TCF12: variants seen among roughly 807,000 people sequenced by gnomAD.
TCF12 encodes the protein transcription factor 12.
TCF12 carries 45 observed loss-of-function variants against 86.0 expected under a neutral mutation model. The observed-to-expected ratio is 0.52, with a 90% CI of 0.41 to 0.67. The LOEUF is 0.67. Among genes scored for constraint, TCF12 ranks in the 30% least tolerant of loss-of-function variants. The pLI, the probability that TCF12 is intolerant of heterozygous loss-of-function variation, is 0.00. For synonymous variants in TCF12, 330 were observed against 299.6 expected, an observed-to-expected ratio of 1.10 and a Z score of -1.05; for missense variants, 881 against 859.9, an observed-to-expected ratio of 1.02 and a Z score of -0.31.
intron 3 of TCF12, among the ~76,000 whole-genome samples, chr15:57,016,314 A>G (rs1423941335): frequency 6.6e-6 from 1 of 152,238 alleles, no homozygotes; most frequent in African/African-American, 2.4e-5. Context: ...TGTAATTGCC[A>G]ATGCATCTTC....
rs2059701541 is a variant in TCF12, at chr15:56,919,890, A to G, written c.-22-2A>G. ...TCGCTGAGCCCGTTTCCTCTGCCCT[A>G]GGACCTGCTAGAAGTGGCCGAAGAT... On this transcript the variant is annotated splice_acceptor_variant, in intron 1 of 20. Coordinates refer to ENST00000333725, the MANE Select transcript of TCF12 (RefSeq NM_207037.2). LOFTEE classifies it low-confidence loss of function (5UTR_SPLICE). 2 of 1,613,594 alleles carry G rather than the reference A, an allele frequency of 1.2e-6. No homozygotes were observed. Among genetic ancestry groups the G allele is most frequent in the Non-Finnish European group, 1.7e-6 (2 of 1,179,746 alleles).
At chr15:57,094,034 G>C (rs903260072) in intron 5 of TCF12, among the ~76,000 whole-genome samples, 6 of 152,128 alleles carry the variant, frequency 3.9e-5, no homozygotes, top group Admixed American at 3.3e-4. Flanking sequence ...TCCTTCCTTA[G>C]CACAACACCA....
chr15:57,122,659 C>A (rs571035333), intron 5 of TCF12, among the ~76,000 whole-genome samples: 2 of 152,308 alleles, frequency 1.3e-5, no homozygotes, highest in East Asian at 1.9e-4. Flanking sequence ...TCAAAGAGAA[C>A]CACCAGAAGA....
intron 4 of TCF12, among the ~76,000 whole-genome samples, chr15:57,067,408 T>C (rs962853644): frequency 3.3e-5 from 5 of 150,662 alleles, no homozygotes; most frequent in Admixed American, 6.6e-5. Flanking sequence ...GGCGTAGTGG[T>C]GGGCGCCTGT....
intron 8 of TCF12, among the ~76,000 whole-genome samples, chr15:57,217,370 A>G (rs1407447860): frequency 6.6e-6 from 1 of 152,160 alleles, no homozygotes; most frequent in Admixed American, 6.5e-5. Flanking sequence ...AGATTATCAT[A>G]TAATTGCCTC....
intron 3 of TCF12, among the ~76,000 whole-genome samples, chr15:56,991,820 C>A (rs1444139912): frequency 6.6e-6 from 1 of 152,010 alleles, no homozygotes; most frequent in African/African-American, 2.4e-5. Flanking sequence ...AAATAATTAT[C>A]ATCATTGATT....
chr15:57,005,911 A>T (rs1012784320), intron 3 of TCF12, among the ~76,000 whole-genome samples: 4 of 151,992 alleles, frequency 2.6e-5, no homozygotes, highest in Admixed American at 1.3e-4. Context: ...TAAGCTTTTT[A>T]TTTTCCAGGT....
intron 3 of TCF12, among the ~76,000 whole-genome samples, chr15:56,930,367 G>C (rs1213618166): frequency 6.6e-6 from 1 of 152,206 alleles, no homozygotes; most frequent in Non-Finnish European, 1.5e-5. Flanking sequence ...GCTTATATGG[G>C]CACTTGTGCC....
chr15:57,082,569 A>G (rs1006792962), intron 4 of TCF12, among the ~76,000 whole-genome samples: 1 of 152,236 alleles, frequency 6.6e-6, no homozygotes. Context: ...GTGAACTGAT[A>G]AGGAAATGTA....
At chr15:56,990,839 C>T (rs969187438) in intron 3 of TCF12, among the ~76,000 whole-genome samples, 7 of 150,532 alleles carry the variant, frequency 4.7e-5, no homozygotes, top group African/African-American at 1.7e-4. Flanking sequence ...ATCACCTAGG[C>T]TGGAGAGTGA....
At chr15:57,176,009 A>G (rs1473465808) in intron 6 of TCF12, among the ~76,000 whole-genome samples, 1 of 152,188 alleles carries the variant, frequency 6.6e-6, no homozygotes, top group African/African-American at 2.4e-5. Context: ...GTATTTTATA[A>G]TAGATTACAG....
chr15:57,109,804 A>C (rs1287492631), intron 5 of TCF12, among the ~76,000 whole-genome samples: 2 of 152,336 alleles, frequency 1.3e-5, no homozygotes, highest in South Asian at 2.1e-4. Flanking sequence ...AATCATTTAT[A>C]TATTACCATA....
chr15:57,004,839 G>A (rs1354803278), intron 3 of TCF12, among the ~76,000 whole-genome samples: 2 of 152,196 alleles, frequency 1.3e-5, no homozygotes, highest in African/African-American at 4.8e-5. Context: ...ATAGGCATGA[G>A]CCACCGCACC....
chr15:57,080,776 TATTA>T (rs1340417122), intron 4 of TCF12, among the ~76,000 whole-genome samples: 4 of 152,218 alleles, frequency 2.6e-5, no homozygotes, highest in African/African-American at 7.2e-5. Context: ...TTATAATGAA[TATTA>T]ATTCTTAACT....
chr15:57,266,964 G>A (rs2060898857), intron 18 of TCF12, among the ~76,000 whole-genome samples: 1 of 152,210 alleles, frequency 6.6e-6, no homozygotes, highest in South Asian at 2.1e-4. Context: ...AGAAGTTTGA[G>A]GCTATAGTGA....
At chr15:57,226,906 C>G (rs190083717) in intron 8 of TCF12, among the ~76,000 whole-genome samples, 32 of 130,966 alleles carry the variant, frequency 2.4e-4, no homozygotes, top group African/African-American at 7.0e-4. Context: ...GTTCAGTAGT[C>G]ATGTGACTGA....
chr15:57,180,218 C>T (rs1397532748), intron 6 of TCF12, among the ~76,000 whole-genome samples: 2 of 152,008 alleles, frequency 1.3e-5, no homozygotes, highest in Non-Finnish European at 2.9e-5. Flanking sequence ...ATTTTTTGCC[C>T]TGAGTTGCCC....
intron 6 of TCF12, among the ~76,000 whole-genome samples, chr15:57,167,593 A>AG (rs1249427582): frequency 1.3e-5 from 2 of 152,092 alleles, no homozygotes; most frequent in Non-Finnish European, 2.9e-5. Flanking sequence ...GAAGGAGGGA[A>AG]GAGAAGGAAG....
At chr15:57,059,915 C>G (rs2068332420) in intron 3 of TCF12, among the ~76,000 whole-genome samples, 1 of 151,738 alleles carries the variant, frequency 6.6e-6, no homozygotes, top group South Asian at 2.1e-4. Flanking sequence ...AGGAGAGAGG[C>G]TGTGGGATAG....
Sources: allele counts gnomAD v4.1 joint callset (sites outside exome capture counted in the v4.1 genomes callset), GRCh38; gene constraint gnomAD v4.1.1; transcripts MANE v1.5; gene names NCBI Gene and HGNC (gene_info 2026-07-23, HGNC 2026-07-21).